The following PPP2R3A variants were observed in gnomAD, a reference collection of about 807,000 sequenced individuals.
The protein encoded by PPP2R3A is serine/threonine-protein phosphatase 2A regulatory subunit B'' subunit alpha.
Under a neutral mutation model 106.9 loss-of-function variants are expected in PPP2R3A, and 80 were observed. The observed-to-expected ratio is 0.75, with a 90% CI of 0.62 to 0.90. The LOEUF (loss-of-function observed/expected upper bound fraction) is 0.90, where lower values mean the gene tolerates loss of function less well. Among genes scored for constraint, PPP2R3A ranks in the 40% least tolerant of loss-of-function variants. The probability of loss-of-function intolerance (pLI) is 0.00; values close to 1 mark genes in which losing one functional copy is unlikely to be tolerated. For missense variants in PPP2R3A, 1,386 were observed against 1,350.4 expected, an observed-to-expected ratio of 1.03 and a Z score of -0.41; for synonymous variants, 483 against 468.3, an observed-to-expected ratio of 1.03 and a Z score of -0.41.
intron 1 of PPP2R3A, among the ~76,000 whole-genome samples, chr3:135,997,782 C>T (rs1933459582): frequency 6.6e-6 from 1 of 152,168 alleles, no homozygotes; most frequent in African/African-American, 2.4e-5. Context: ...ATGGATTCTT[C>T]CTCCTGGGCT....
chr3:136,090,529 G>C, intron 9 of PPP2R3A, 49 bp from the exon 10 acceptor site: 1 of 1,435,266 alleles, frequency 7.0e-7, no homozygotes, highest in Non-Finnish European at 9.8e-7. Flanking sequence ...CCTGATAAAT[G>C]GTTCTGAGTA....
intron 2 of PPP2R3A, among the ~76,000 whole-genome samples, chr3:136,014,029 T>G (rs1401267031): frequency 3.3e-5 from 5 of 152,126 alleles, no homozygotes; most frequent in Non-Finnish European, 5.9e-5. Flanking sequence ...AGATGAGAAA[T>G]GAGGATCCAG....
At chr3:135,971,987 G>A (rs1937260683) in intron 1 of PPP2R3A, among the ~76,000 whole-genome samples, 1 of 151,992 alleles carries the variant, frequency 6.6e-6, no homozygotes, top group African/African-American at 2.4e-5. Flanking sequence ...TTTTAATTGA[G>A]GTAAAATTAA....
intron 2 of PPP2R3A, among the ~76,000 whole-genome samples, chr3:136,026,039 T>G (rs1472682229): frequency 3.3e-5 from 5 of 152,176 alleles, no homozygotes; most frequent in African/African-American, 1.2e-4. Flanking sequence ...CCTGCCACTC[T>G]TTACTGACCT....
chr3:136,055,749 G>T, intron 5 of PPP2R3A: 1 of 663,230 alleles, frequency 1.5e-6, no homozygotes, highest in South Asian at 2.1e-5. Flanking sequence ...CATCTTTATG[G>T]AATGTGGTGA....
chr3:136,052,029 T>G (rs1362850014), intron 5 of PPP2R3A, among the ~76,000 whole-genome samples: 2 of 152,242 alleles, frequency 1.3e-5, no homozygotes, highest in African/African-American at 4.8e-5. Flanking sequence ...GAATGAAGAT[T>G]CTTAATAGTT....
At chr3:136,072,178 C>T (rs534453497) in intron 6 of PPP2R3A, among the ~76,000 whole-genome samples, 8 of 152,136 alleles carry the variant, frequency 5.3e-5, no homozygotes, top group Non-Finnish European at 7.3e-5. Context: ...CCATCTCCGT[C>T]TCTATAATAT....
chr3:136,009,558 C>A (rs1933972967), intron 2 of PPP2R3A, among the ~76,000 whole-genome samples: 1 of 151,992 alleles, frequency 6.6e-6, no homozygotes, highest in Non-Finnish European at 1.5e-5. Context: ...CATTTTCTGG[C>A]CTTATGTTTA....
intron 5 of PPP2R3A, among the ~76,000 whole-genome samples, chr3:136,054,253 C>CTTTTTTTT (rs35801926): frequency 2.0e-4 from 16 of 80,742 alleles, no homozygotes; most frequent in Admixed American, 3.2e-4. Flanking sequence ...CTTCACAATT[C>CTTTTTTTT]TTTTTTTTTT....
intron 6 of PPP2R3A, among the ~76,000 whole-genome samples, chr3:136,075,305 T>C (rs907317195): frequency 1.3e-5 from 2 of 152,216 alleles, no homozygotes; most frequent in Non-Finnish European, 2.9e-5. Flanking sequence ...TTGTAAAATT[T>C]TATTTGATAT....
intron 13 of PPP2R3A, among the ~76,000 whole-genome samples, chr3:136,116,823 G>A (rs780054471): frequency 6.6e-6 from 1 of 152,170 alleles, no homozygotes; most frequent in Non-Finnish European, 1.5e-5. Flanking sequence ...GTCAGTATTA[G>A]ATCAACAAGA....
At chr3:136,023,021 C>G in intron 2 of PPP2R3A, 1 of 1,604,408 alleles carries the variant, frequency 6.2e-7, no homozygotes, top group Non-Finnish European at 8.5e-7. Flanking sequence ...ATCTGATTAT[C>G]TTCAGAAGTG....
intron 9 of PPP2R3A, among the ~76,000 whole-genome samples, chr3:136,088,955 T>C (rs1173172471): frequency 6.6e-6 from 1 of 152,176 alleles, no homozygotes; most frequent in Non-Finnish European, 1.5e-5. Flanking sequence ...CTTGTTGATT[T>C]AAGTTCGATA....
At chr3:136,140,637 A>G (rs1938828025) in intron 13 of PPP2R3A, among the ~76,000 whole-genome samples, 2 of 151,806 alleles carry the variant, frequency 1.3e-5, no homozygotes, top group African/African-American at 4.8e-5. Flanking sequence ...AATCGCAGCT[A>G]CTTGGGAGGC....
chr3:136,122,840 T>A (rs560441056), intron 13 of PPP2R3A, among the ~76,000 whole-genome samples: 2 of 152,304 alleles, frequency 1.3e-5, no homozygotes, highest in South Asian at 4.1e-4. Context: ...ATGGGTGTTA[T>A]CCCAGGACTG....
intron 13 of PPP2R3A, among the ~76,000 whole-genome samples, chr3:136,111,698 T>G (rs184648580): frequency 7.3e-5 from 11 of 151,470 alleles, no homozygotes; most frequent in Admixed American, 3.3e-4. Context: ...ACTAGACAGA[T>G]TCACAGCCAA....
At chr3:136,063,510 T>C (rs749861830) in intron 5 of PPP2R3A, among the ~76,000 whole-genome samples, 4 of 152,204 alleles carry the variant, frequency 2.6e-5, no homozygotes, top group Non-Finnish European at 5.9e-5. Flanking sequence ...AGAAAATTTT[T>C]GCAACCTACT....
intron 13 of PPP2R3A, among the ~76,000 whole-genome samples, chr3:136,123,773 A>G (rs1938083766): frequency 6.6e-6 from 1 of 152,214 alleles, no homozygotes; most frequent in South Asian, 2.1e-4. Flanking sequence ...TCCAGACTTG[A>G]AAGGAGAAAT....
chr3:136,122,614 A>G (rs936803889), intron 13 of PPP2R3A, among the ~76,000 whole-genome samples: 3 of 152,236 alleles, frequency 2.0e-5, no homozygotes, highest in Admixed American at 2.0e-4. Context: ...GGAAGAAATC[A>G]AACACTTCTA....
Sources: gnomAD v4.1 joint callset for allele counts (sites outside exome capture counted in the v4.1 genomes callset) on GRCh38, gnomAD v4.1.1 for gene constraint, MANE v1.5 for transcripts, NCBI Gene and HGNC (gene_info 2026-07-23, HGNC 2026-07-21) for gene names.